The following TAF2 variants were observed in gnomAD, a reference collection of about 807,000 sequenced individuals.
The protein encoded by TAF2 is TATA-box binding protein associated factor 2.
Under a neutral mutation model 138.5 loss-of-function variants are expected in TAF2, and 61 were observed. The observed-to-expected ratio is 0.44, with a 90% CI of 0.36 to 0.54. The LOEUF is 0.54. Among genes scored for constraint, TAF2 ranks in the 20% least tolerant of loss-of-function variants. TAF2 has a pLI of 0.00. For synonymous variants in TAF2, 475 were observed against 469.9 expected (o/e 1.01, Z -0.14); for missense variants, 1,090 against 1,427.9 (o/e 0.76, Z 3.81).
intron 2 of TAF2, among the ~76,000 whole-genome samples, chr8:119,824,622 T>C (rs1362289728): frequency 6.6e-6 from 1 of 151,514 alleles, no homozygotes; most frequent in Non-Finnish European, 1.5e-5. Context: ...GAGGAAAAAG[T>C]GGTTTTGTGG....
In TAF2 at chr8:119,760,704, C is replaced by A. The variant is rs1303587910; in HGVS notation, c.2593G>T (p.Gly865Ter). 1 of 1,613,776 alleles carries A rather than the reference C, an allele frequency of 6.2e-7. No individual in the cohort carries two copies. The highest frequency in any genetic ancestry group is 8.5e-7 in the Non-Finnish European group (1 of 1,179,930). Residue 865 changes from glycine (G) to a stop codon, truncating the protein, a stop_gained, in exon 20 of 26, where the codon GGA becomes TGA. Coordinates refer to ENST00000378164, the MANE Select transcript of TAF2 (RefSeq NM_003184.4). LOFTEE classifies it high-confidence loss of function. Reference protein sequence around the residue: ...LRAIRVLQKNGHVPSDPALFK... With the variant: ...LRAIRVLQKN ...AGAGCTGGATCACTTGGCACATGTC[C>A]GTTCTTCTGAAGTACCCGTATGGCT...
At chr8:119,745,588 G>A (rs936120141) in intron 23 of TAF2, among the ~76,000 whole-genome samples, 12 of 152,232 alleles carry the variant, frequency 7.9e-5, no homozygotes, top group Middle Eastern at 3.4e-3. Context: ...GTAGGGAATT[G>A]CCAGGCAAGT....
chr8:119,756,219 CTATTT>C, intron 21 of TAF2, 104 bp from the exon 22 acceptor site: 1 of 759,092 alleles, frequency 1.3e-6, no homozygotes, highest in Non-Finnish European at 2.3e-6. Flanking sequence ...TTCCTCCTTC[CTATTT>C]TAACACTTTC....
chr8:119,824,528 C>T (rs1208829951), intron 2 of TAF2, among the ~76,000 whole-genome samples: 2 of 152,170 alleles, frequency 1.3e-5, no homozygotes, highest in African/African-American at 4.8e-5. Flanking sequence ...AATGTTAATC[C>T]CCAAGAAAAT....
At chr8:119,801,272 C>G (rs1824235156) in intron 6 of TAF2, among the ~76,000 whole-genome samples, 1 of 152,012 alleles carries the variant, frequency 6.6e-6, no homozygotes, top group Non-Finnish European at 1.5e-5. Flanking sequence ...AATGCTAAGA[C>G]TCTGTTGGAA....
At chr8:119,743,027 C>T (rs1456273709) in intron 24 of TAF2, among the ~76,000 whole-genome samples, 1 of 151,732 alleles carries the variant, frequency 6.6e-6, no homozygotes, top group Non-Finnish European at 1.5e-5. Context: ...AGAGATGGCA[C>T]TACCGCACTC....
chr8:119,740,019 T>G (rs568750799), intron 25 of TAF2, among the ~76,000 whole-genome samples: 2 of 152,208 alleles, frequency 1.3e-5, no homozygotes, highest in South Asian at 4.1e-4. Flanking sequence ...ATCTCTAATC[T>G]AGAATCCCTA....
intron 3 of TAF2, among the ~76,000 whole-genome samples, chr8:119,813,894 C>A (rs76730071): frequency 0.013 from 1,984 of 152,130 alleles, 25 homozygotes; most frequent in Middle Eastern, 0.031. Context: ...GGCAGAAGGA[C>A]CACTTGAGGC....
chr8:119,797,051 T>C lies in TAF2; in HGVS notation c.1030A>G (p.Arg344Gly), dbSNP rs752679481. Residue 344 changes from arginine to glycine, a missense_variant, in exon 8 of 26, where the codon AGG becomes GGG. Coordinates refer to ENST00000378164, the MANE Select transcript of TAF2 (RefSeq NM_003184.4). ...TGGGCCAAGGATTGGGCTAAACACC[T>C]TCTAGTCAAAGGTGTCTCATCTATA... ...MIIDETPLTR[R>G]CLAQSLAQQF... 1 of 1,613,290 alleles carries C rather than the reference T, an allele frequency of 6.2e-7. No individual in the cohort carries two copies. The highest frequency in any genetic ancestry group is 2.2e-5 in the East Asian group (1 of 44,780).
At chr8:119,747,036 A>T in intron 22 of TAF2, 102 bp from the exon 23 acceptor site, 1 of 1,194,582 alleles carries the variant, frequency 8.4e-7, no homozygotes, top group Non-Finnish European at 1.2e-6. Context: ...TAACTGGAAA[A>T]ACCTTTATCA....
Position 119,797,015 on chromosome 8 carries a change from C to CA in TAF2, c.1065dup (p.Gly356TrpfsTer6). ...CAAGACATTCTAGATATGAAACAAC[C>CA]AAAAAACTGCTGGGCCAAGGATTGG... is the stretch of plus-strand genomic sequence containing the variant. On this transcript the variant is annotated frameshift_variant, in exon 8 of 26. Transcript: ENST00000378164. LOFTEE classifies it high-confidence loss of function. The CA allele has an allele frequency of 1.2e-6, 2 of 1,612,884 alleles. No homozygotes were observed. The highest frequency in any genetic ancestry group is 1.7e-6 in the Non-Finnish European group (2 of 1,179,348).
chr8:119,828,391 A>G (rs867193566), intron 2 of TAF2, among the ~76,000 whole-genome samples: 2 of 152,200 alleles, frequency 1.3e-5, no homozygotes, highest in Admixed American at 6.5e-5. Context: ...GAATCATTTC[A>G]ATTACTGAAC....
chr8:119,822,374 TAC>T (rs1443504164), intron 2 of TAF2, among the ~76,000 whole-genome samples: 1 of 151,932 alleles, frequency 6.6e-6, no homozygotes, highest in Non-Finnish European at 1.5e-5. Context: ...AGAAATGCAT[TAC>T]CACACCTGGT....
chr8:119,791,133 T>C (rs1021436392), intron 11 of TAF2, among the ~76,000 whole-genome samples, 191 bp downstream of exon 11: 5 of 152,172 alleles, frequency 3.3e-5, no homozygotes, highest in African/African-American at 1.2e-4. Flanking sequence ...ATAAAATTCA[T>C]GTGCAAAGTT....
At chr8:119,786,586 G>C (rs1049921639) in intron 14 of TAF2, among the ~76,000 whole-genome samples, 1 of 152,014 alleles carries the variant, frequency 6.6e-6, no homozygotes, top group African/African-American at 2.4e-5. Context: ...AGTAAAATGA[G>C]GAAAAAAAGA....
At chr8:119,803,793 T>C in intron 5 of TAF2, 85 bp downstream of exon 5, 1 of 1,289,684 alleles carries the variant, frequency 7.8e-7, no homozygotes. Context: ...TAGTATTTCT[T>C]GTTTTACACC....
Position 119,832,464 on chromosome 8 carries a change from A to G in TAF2, c.83+18T>C. 1 of 1,611,492 alleles carries G rather than the reference A, an allele frequency of 6.2e-7. No individual in the cohort carries two copies. Among genetic ancestry groups the G allele is most frequent in the Non-Finnish European group, 8.5e-7 (1 of 1,178,074 alleles). On this transcript the variant is annotated intron_variant, in intron 1 of 25. Transcript: ENST00000378164. ...CAACAAAACCAAAAGGAAGGAAGGG[A>G]AATGAAAAAATACTTATAATTTATA... is the stretch of plus-strand genomic sequence containing the variant.
chr8:119,781,338 T>A, intron 16 of TAF2, 145 bp from the exon 17 acceptor site: 1 of 1,022,550 alleles, frequency 9.8e-7, no homozygotes, highest in Non-Finnish European at 1.4e-6. Flanking sequence ...CAATTTAGCA[T>A]TTTATCACCA....
chr8:119,748,691 TCTC>T (rs1304350310), intron 22 of TAF2, among the ~76,000 whole-genome samples: 1 of 152,132 alleles, frequency 6.6e-6, no homozygotes, highest in Non-Finnish European at 1.5e-5. Context: ...GGCATTCATT[TCTC>T]CTCCTCAAAG....
Sources: gnomAD v4.1 joint callset for allele counts (sites outside exome capture counted in the v4.1 genomes callset) on GRCh38, gnomAD v4.1.1 for gene constraint, MANE v1.5 for transcripts, NCBI Gene and HGNC (gene_info 2026-07-23, HGNC 2026-07-21) for gene names.